Variants in ABCC5 observed in about 807,000 individuals in gnomAD.
The protein encoded by ABCC5 is ATP-binding cassette sub-family C member 5.
Under a neutral mutation model 160.9 loss-of-function variants are expected in ABCC5, and 61 were observed. The ratio of observed to expected loss-of-function variants is 0.38; its 90% CI spans 0.31 to 0.47. ABCC5 has a LOEUF of 0.47. Ranked by LOEUF, ABCC5 falls within the 20% of genes least tolerant of loss-of-function variation. The probability of loss-of-function intolerance (pLI) is 0.99; values close to 1 mark genes in which losing one functional copy is unlikely to be tolerated. For missense variants in ABCC5, 1,308 were observed against 1,813.3 expected, an observed-to-expected ratio of 0.72 and a Z score of 5.06; for synonymous variants, 666 against 700.6, an observed-to-expected ratio of 0.95 and a Z score of 0.78.
intron 10 of ABCC5, among the ~76,000 whole-genome samples, chr3:183,976,793 G>A (rs1406004095): frequency 6.6e-6 from 1 of 152,120 alleles, no homozygotes; most frequent in Admixed American, 6.5e-5. Context: ...GGACATAGGA[G>A]CTAATCTATG....
At chr3:183,968,629 T>A (rs1315139301) in intron 11 of ABCC5, among the ~76,000 whole-genome samples, 1 of 152,194 alleles carries the variant, frequency 6.6e-6, no homozygotes, top group African/African-American at 2.4e-5. Context: ...ATTAACTGAG[T>A]ATCCTTAGGC....
intron 8 of ABCC5, among the ~76,000 whole-genome samples, 161 bp downstream of exon 8, chr3:183,981,566 A>C (rs1409753123): frequency 6.6e-6 from 1 of 152,214 alleles, no homozygotes; most frequent in African/African-American, 2.4e-5. Flanking sequence ...TCAAACCTCT[A>C]AGATCCCTTT....
intron 17 of ABCC5, among the ~76,000 whole-genome samples, chr3:183,958,432 G>T (rs565786075): frequency 6.6e-6 from 1 of 152,180 alleles, no homozygotes; most frequent in Non-Finnish European, 1.5e-5. Flanking sequence ...GTTTGCTAAT[G>T]ATATTCTGAT....
Position 183,961,491 on chromosome 3 carries a change from C to A in ABCC5, c.2379+20G>T. 1 of 1,613,120 alleles carries A rather than the reference C, an allele frequency of 6.2e-7. No homozygotes were observed. The highest frequency in any genetic ancestry group is 8.5e-7 in the Non-Finnish European group (1 of 1,179,412). On this transcript the variant is annotated intron_variant, in intron 16 of 29. Coordinates refer to ENST00000334444, the MANE Select transcript of ABCC5 (RefSeq NM_005688.4). ...TTGCAGAGACAGAAGGGGACACACG[C>A]AAACACCATCAGATCTTACCTCAAC...
chr3:183,993,779 T>A (rs1174866899), intron 2 of ABCC5, among the ~76,000 whole-genome samples: 3 of 152,144 alleles, frequency 2.0e-5, no homozygotes, highest in African/African-American at 4.8e-5. Context: ...GTGTATAGAA[T>A]TCAGAGGCAT....
chr3:183,961,993 C>T (rs1560010984), intron 15 of ABCC5, among the ~76,000 whole-genome samples: 1 of 152,120 alleles, frequency 6.6e-6, no homozygotes, highest in Non-Finnish European at 1.5e-5. Context: ...TACAGGTAAT[C>T]CGCCCATCTC....
In ABCC5 at chr3:183,982,826, G is replaced by A. The variant is rs1334373460; in HGVS notation, c.773C>T (p.Ala258Val). Residue 258 changes from alanine (A) to valine (V), a missense_variant, in exon 6 of 30, where the codon GCA becomes GTA. Physicochemically the swap from Ala to Val is moderately conservative, Grantham distance 64. This residue lies in a region of ABCC5 where 1,142 missense variants were observed against 1,527.1 expected (regional missense o/e 0.75). Coordinates refer to ENST00000334444, the MANE Select transcript of ABCC5 (RefSeq NM_005688.4). This position sits in a 1 kb window ranked among gnomAD's most constrained non-coding sequence, Gnocchi z 5.2. ...VRLRGAILTM[A>V]FKKILKLKNI... Reference sequence around the variant, plus strand: ...CTTTAACTTAAGGATCTTCTTAAATGCCATGGTTAGGATGGCCCCCCGCAA... The same window carrying A: ...CTTTAACTTAAGGATCTTCTTAAATACCATGGTTAGGATGGCCCCCCGCAA... 4 of 1,614,172 alleles carry A rather than the reference G, an allele frequency of 2.5e-6. No individual in the cohort carries two copies. The South Asian group carries it at 4.4e-5, about 18-fold the overall frequency.
chr3:183,947,224 T>G, intron 23 of ABCC5, 100 bp downstream of exon 23: 2 of 1,276,306 alleles, frequency 1.6e-6, no homozygotes, highest in Non-Finnish European at 2.1e-6. Context: ...AGAGGTGAAA[T>G]AATGGCTCAG....
Position 183,949,871 on chromosome 3 carries a change from G to A in ABCC5, c.3109C>T (p.Arg1037Trp), listed in dbSNP as rs754468895. 23 of 1,614,076 alleles carry A rather than the reference G, an allele frequency of 1.4e-5. No homozygotes were observed. Among genetic ancestry groups the A allele is most frequent in the South Asian group, 4.4e-5 (4 of 91,080 alleles). ...VLHIVSRVLI[R>W]ELKRLDNITQ... is the part of the protein sequence containing the mutation. ...ATATTGTCCAGACGCTTCAGCTCCC[G>A]AATCAGGACCCTGGAGAGAGAATGA... is the stretch of plus-strand genomic sequence containing the variant. The change falls in exon 22 of 30, where the codon CGG becomes TGG. Residue 1037 changes from arginine (R) to tryptophan (W), a missense_variant. By Grantham distance (101) the Arg-to-Trp change is moderately radical. Transcript: ENST00000334444. This position sits in a 1 kb window ranked among gnomAD's most constrained non-coding sequence, Gnocchi z 4.2.
intron 15 of ABCC5, among the ~76,000 whole-genome samples, chr3:183,962,420 CACA>C (rs1716843767): frequency 6.6e-6 from 1 of 151,982 alleles, no homozygotes; most frequent in Non-Finnish European, 1.5e-5. Flanking sequence ...AGCAGCCCCA[CACA>C]ACAATGGACT....
At chr3:183,961,123 C>T (rs529414756) in intron 16 of ABCC5, among the ~76,000 whole-genome samples, 69 of 152,252 alleles carry the variant, frequency 4.5e-4, no homozygotes, top group Non-Finnish European at 7.5e-4. Context: ...ATTTAATTTC[C>T]CTACCTTGGC....
intron 14 of ABCC5, among the ~76,000 whole-genome samples, chr3:183,964,086 T>C (rs1297544823): frequency 6.6e-6 from 1 of 152,198 alleles, no homozygotes; most frequent in African/African-American, 2.4e-5. Context: ...AAATTATGTG[T>C]ATACTATGAA....
At chr3:184,013,958 C>T (rs574713572) in intron 2 of ABCC5, among the ~76,000 whole-genome samples, 4 of 152,262 alleles carry the variant, frequency 2.6e-5, no homozygotes, top group East Asian at 1.9e-4. Context: ...CTGCAACCTC[C>T]GCCTCTTGGG....
chr3:183,983,773 T>C, intron 5 of ABCC5: 1 of 985,566 alleles, frequency 1.0e-6, no homozygotes, highest in Non-Finnish European at 1.2e-6. Flanking sequence ...TGTACTTTTA[T>C]TGAAAATGAA....
In ABCC5 at chr3:183,971,686, T is replaced by C. The variant is rs1459894609; in HGVS notation, c.1638A>G (p.Lys546=). Residue 546 remains lysine, a synonymous_variant, in exon 11 of 30, where the codon AAA becomes AAG. Transcript: ENST00000334444. ...CGTCACTGTCCAGGAGGAGGTGGCCTTTCTGCTCTGCCAGCACCGCCTGAT... is the reference window on the plus strand; with the variant it reads ...CGTCACTGTCCAGGAGGAGGTGGCCCTTCTGCTCTGCCAGCACCGCCTGAT... ...TEHQAVLAEQ[K]GHLLLDSDER... 1 of 1,614,190 alleles carries C rather than the reference T, an allele frequency of 6.2e-7. No homozygotes were observed. Among genetic ancestry groups the C allele is most frequent in the African/African-American group, 1.3e-5 (1 of 75,048 alleles).
chr3:183,988,676 C>T lies in ABCC5; in HGVS notation c.339G>A (p.Ser113=), dbSNP rs765346379. ...NAGLFSCMTF[S]WLSSLARVAH... ...CCACACGGGCCAGAGAAGAAAGCCA[C>T]GAAAAAGTCATACAGGAAAAAAGCC... Residue 113 remains serine (S), a synonymous_variant, in exon 4 of 30, where the codon TCG becomes TCA. Transcript: ENST00000334444. The surrounding 1 kb of genome is among the most constrained non-coding windows in gnomAD (Gnocchi z 4.4). The T allele has an allele frequency of 8.7e-6, 14 of 1,614,020 alleles. No individual in the cohort carries two copies. Among genetic ancestry groups the T allele is most frequent in the African/African-American group, 4.0e-5 (3 of 74,924 alleles).
intron 1 of ABCC5, among the ~76,000 whole-genome samples, chr3:184,016,981 C>A (rs1278845198): frequency 1.3e-5 from 2 of 152,158 alleles, no homozygotes; most frequent in African/African-American, 2.4e-5. Context: ...GAGGAAGACA[C>A]CACGCTAAAG....
At chr3:183,990,203 G>A (rs1450099972) in intron 2 of ABCC5, among the ~76,000 whole-genome samples, 5 of 151,858 alleles carry the variant, frequency 3.3e-5, no homozygotes, top group South Asian at 2.1e-4. Flanking sequence ...CAGCCTCCCC[G>A]GTTCAAGCAA....
At chr3:183,957,908 A>G (rs867753093) in intron 17 of ABCC5, among the ~76,000 whole-genome samples, 4,973 of 144,470 alleles carry the variant, frequency 0.034, 193 homozygotes, top group African/African-American at 0.13. Flanking sequence ...TTACATGCGG[A>G]TCCGTGTGTA....
Sources: gnomAD v4.1 joint callset for allele counts (sites outside exome capture counted in the v4.1 genomes callset) on GRCh38, gnomAD v4.1.1 for gene constraint, gnomAD v4.1.1 regional missense constraint, Gnocchi (gnomAD v3.1) non-coding constraint, MANE v1.5 for transcripts, NCBI Gene and HGNC (gene_info 2026-07-23, HGNC 2026-07-21) for gene names.